The following CAMK4 variants were observed in gnomAD, a reference collection of about 807,000 sequenced individuals.
CAMK4 encodes calcium/calmodulin-dependent protein kinase type IV.
In CAMK4, 22 loss-of-function variants were observed where a neutral mutation model predicts 44.9. The observed-to-expected ratio is 0.49, with a 90% confidence interval of 0.35 to 0.70. CAMK4 has a LOEUF of 0.70. Among genes scored for constraint, CAMK4 ranks in the 30% least tolerant of loss-of-function variants. The pLI is 0.01. For missense variants in CAMK4, 498 were observed against 586.8 expected (o/e 0.85, Z 1.56); for synonymous variants, 218 against 215.4 (o/e 1.01, Z -0.11).
intron 2 of CAMK4, among the ~76,000 whole-genome samples, chr5:111,347,276 T>A (rs190687322): frequency 1.4e-3 from 214 of 152,138 alleles, no homozygotes; most frequent in African/African-American, 5.0e-3. Flanking sequence ...TTCCTCCTTA[T>A]CTGAGGTCTA....
intron 8 of CAMK4, among the ~76,000 whole-genome samples, chr5:111,476,259 G>T (rs1043425913): frequency 9.4e-4 from 132 of 140,584 alleles, no homozygotes; most frequent in African/African-American, 3.8e-3. Flanking sequence ...GTGTGTGTGT[G>T]TGTGTGTGTG....
At chr5:111,263,212 A>G (rs764253519) in intron 1 of CAMK4, among the ~76,000 whole-genome samples, 9 of 152,224 alleles carry the variant, frequency 5.9e-5, no homozygotes, top group Non-Finnish European at 1.2e-4. Flanking sequence ...TCAGTTTTCC[A>G]TACCTATTAT....
chr5:111,378,384 C>T (rs1325556964), intron 4 of CAMK4, among the ~76,000 whole-genome samples: 1 of 152,092 alleles, frequency 6.6e-6, no homozygotes, highest in Non-Finnish European at 1.5e-5. Flanking sequence ...CCTTCACACC[C>T]ATACTCTACC....
chr5:111,224,355 G>A (rs1748054308), upstream of CAMK4: 1 of 1,283,042 alleles, frequency 7.8e-7, no homozygotes, highest in Non-Finnish European at 9.9e-7. This position sits in a 1 kb window ranked among gnomAD's most constrained non-coding sequence, Gnocchi z 5.7. Flanking sequence ...GGCGGCGGTG[G>A]GCGTGTGCGC....
chr5:111,424,232 A>T (rs1441124043), intron 5 of CAMK4, among the ~76,000 whole-genome samples: 3 of 152,156 alleles, frequency 2.0e-5, no homozygotes, highest in Admixed American at 1.3e-4. Context: ...CATAGCAGGA[A>T]AAAAAGTCAT....
At chr5:111,322,148 C>G (rs1748690004) in intron 1 of CAMK4, among the ~76,000 whole-genome samples, 3 of 152,052 alleles carry the variant, frequency 2.0e-5, no homozygotes, top group African/African-American at 7.2e-5. Context: ...AAGGGAAACA[C>G]AGGTGAGTAC....
intron 1 of CAMK4, among the ~76,000 whole-genome samples, chr5:111,293,255 G>C (rs1580540650): frequency 6.6e-6 from 1 of 152,244 alleles, no homozygotes; most frequent in East Asian, 1.9e-4. Context: ...AGAGGACTAA[G>C]AAGCCAATCC....
At chr5:111,448,302 CTG>C (rs1390664692) in intron 6 of CAMK4, among the ~76,000 whole-genome samples, 1 of 152,144 alleles carries the variant, frequency 6.6e-6, no homozygotes, top group African/African-American at 2.4e-5. Context: ...ACATTGGAGA[CTG>C]AATGTATTTT....
Position 111,337,514 on chromosome 5 carries a change from T to C in CAMK4, c.162-6510T>C, listed in dbSNP as rs1749456700. ...TTTGCATCCTTGCCAGCCTTTTTTTTTTTTTTTAGGTCATTCAAATAGTGT... is the reference window on the plus strand; with the variant it reads ...TTTGCATCCTTGCCAGCCTTTTTTTCTTTTTTTAGGTCATTCAAATAGTGT... On this transcript the variant is annotated intron_variant, in intron 1 of 10. Transcript: ENST00000282356. 1.3e-5 allele frequency among the ~76,000 whole-genome samples: 2 copies of C among 150,936 alleles called. 1 individual carries two copies. The highest frequency in any genetic ancestry group is 4.1e-4 in the South Asian group (2 of 4,820).
At chr5:111,238,024 T>C (rs1343696486) in intron 1 of CAMK4, among the ~76,000 whole-genome samples, 2 of 152,176 alleles carry the variant, frequency 1.3e-5, no homozygotes, top group African/African-American at 2.4e-5. Flanking sequence ...CCCATCTTTC[T>C]TTTGACAACC....
intron 4 of CAMK4, among the ~76,000 whole-genome samples, chr5:111,381,034 G>T (rs1478132902): frequency 1.3e-5 from 2 of 152,224 alleles, no homozygotes; most frequent in African/African-American, 2.4e-5. Context: ...CCTTAGCTCT[G>T]TGTAATTGCC....
Position 111,298,229 on chromosome 5 carries a change from T to C in CAMK4, c.162-45795T>C, listed in dbSNP as rs529725011. 8.5e-5 allele frequency among the ~76,000 whole-genome samples: 13 copies of C among 152,330 alleles called. No homozygotes were observed. The East Asian group carries it at 2.3e-3, about 27-fold the overall frequency. ...TTCTAAGTAATATGAATTATAAACA[T>C]GCATTATAAAATTGGAGCCCATATA... On this transcript the variant is annotated intron_variant, in intron 1 of 10. Coordinates refer to ENST00000282356, the MANE Select transcript of CAMK4 (RefSeq NM_001744.6).
At chr5:111,263,422 A>G (rs1750083463) in intron 1 of CAMK4, among the ~76,000 whole-genome samples, 1 of 152,138 alleles carries the variant, frequency 6.6e-6, no homozygotes, top group African/African-American at 2.4e-5. Flanking sequence ...CTCTTTGGGA[A>G]ATACTGTTAT....
chr5:111,395,434 AGTTT>A (rs932457808), intron 5 of CAMK4, among the ~76,000 whole-genome samples: 7 of 150,092 alleles, frequency 4.7e-5, no homozygotes, highest in South Asian at 2.1e-4. Context: ...CCATTTCTTG[AGTTT>A]GTTTGTTCAT....
chr5:111,457,536 AT>A (rs1754461616), intron 7 of CAMK4, among the ~76,000 whole-genome samples: 1 of 152,236 alleles, frequency 6.6e-6, no homozygotes, highest in Non-Finnish European at 1.5e-5. Flanking sequence ...TTGAAAAGAA[AT>A]AACCCATTAG....
chr5:111,414,914 T>A (rs1752764842), intron 5 of CAMK4, among the ~76,000 whole-genome samples: 1 of 152,216 alleles, frequency 6.6e-6, no homozygotes, highest in Non-Finnish European at 1.5e-5. Flanking sequence ...TTAGAGATAT[T>A]ATTTCCTCCC....
At chr5:111,349,404 A>G (rs1561430810) in intron 2 of CAMK4, among the ~76,000 whole-genome samples, 1 of 152,040 alleles carries the variant, frequency 6.6e-6, no homozygotes, top group East Asian at 1.9e-4. Context: ...GAAAGATTTT[A>G]TTAAGTTACT....
chr5:111,435,302 G>C (rs1355222263), intron 5 of CAMK4, among the ~76,000 whole-genome samples: 1 of 151,980 alleles, frequency 6.6e-6, no homozygotes, highest in Non-Finnish European at 1.5e-5. Flanking sequence ...TGTCATGTTT[G>C]ACATACCTTT....
intron 1 of CAMK4, among the ~76,000 whole-genome samples, chr5:111,236,597 T>C (rs530169114): frequency 6.6e-6 from 1 of 152,306 alleles, no homozygotes; most frequent in Admixed American, 6.5e-5. Context: ...TCAGTGATCT[T>C]CATATCTCTG....
Sources: gnomAD v4.1 joint callset for allele counts (sites outside exome capture counted in the v4.1 genomes callset) on GRCh38, gnomAD v4.1.1 for gene constraint, Gnocchi (gnomAD v3.1) non-coding constraint, MANE v1.5 for transcripts, NCBI Gene and HGNC (gene_info 2026-07-23, HGNC 2026-07-21) for gene names.